Variants in RFX7 observed in about 807,000 individuals in gnomAD.
RFX7 encodes the protein regulatory factor X7, also known as DNA-binding protein RFX7.
A neutral mutation model predicts 111.8 loss-of-function variants in RFX7; 26 were observed. That is an observed-to-expected ratio of 0.23 (90% CI 0.17 to 0.32). The LOEUF (loss-of-function observed/expected upper bound fraction) is 0.32. RFX7 is among the 10% of genes least tolerant of loss of function. The pLI is 1.00. For missense variants in RFX7, 1,573 were observed against 1,772.9 expected (o/e 0.89, Z 2.02); for synonymous variants, 624 against 624.4 (o/e 1.00, Z 0.01).
intron 2 of RFX7, among the ~76,000 whole-genome samples, chr15:56,197,849 G>A (rs868075494): frequency 1.3e-5 from 2 of 152,086 alleles, no homozygotes; most frequent in African/African-American, 4.8e-5. Context: ...GAATGCTAGA[G>A]GTAAATATAC....
At position 56,096,221 on chromosome 15, in the gene RFX7, CTGT is replaced by C; in HGVS notation, c.1504_1506del (p.Thr502del). 1 of 1,613,964 alleles carries C rather than the reference CTGT, an allele frequency of 6.2e-7. No homozygotes were observed. Among genetic ancestry groups the C allele is most frequent in the Non-Finnish European group, 8.5e-7 (1 of 1,179,856 alleles). On this transcript the variant is annotated inframe_deletion, in exon 10 of 10. Coordinates refer to ENST00000559447, the MANE Select transcript of RFX7 (RefSeq NM_022841.7). ...ATCTGTGGAACACTCCTTGATTCTT[CTGT>C]TGTTCCTGTAGCACTGCTGACTGAG...
intron 2 of RFX7, among the ~76,000 whole-genome samples, chr15:56,235,126 T>C (rs977141331): frequency 6.6e-6 from 1 of 151,346 alleles, no homozygotes; most frequent in African/African-American, 2.4e-5. Flanking sequence ...GGGTTATGGA[T>C]AGTGCAAATT....
chr15:56,212,073 T>C (rs1210379420), intron 2 of RFX7, among the ~76,000 whole-genome samples: 1 of 152,176 alleles, frequency 6.6e-6, no homozygotes, highest in Non-Finnish European at 1.5e-5. Context: ...TTTAGTAGAT[T>C]TATTTGCAAC....
chr15:56,213,150 G>A (rs1385854063), intron 2 of RFX7, among the ~76,000 whole-genome samples: 2 of 152,122 alleles, frequency 1.3e-5, no homozygotes, highest in African/African-American at 4.8e-5. Flanking sequence ...ATATGACCAA[G>A]CAATTGTACT....
At chr15:56,186,436 A>T (rs1328670114) in intron 2 of RFX7, among the ~76,000 whole-genome samples, 3 of 152,072 alleles carry the variant, frequency 2.0e-5, no homozygotes, top group Admixed American at 6.6e-5. Context: ...TGTTACTAGC[A>T]CCTATGAATT....
intron 2 of RFX7, among the ~76,000 whole-genome samples, chr15:56,239,726 A>G (rs1396428841): frequency 6.6e-6 from 1 of 152,150 alleles, no homozygotes; most frequent in Non-Finnish European, 1.5e-5. Context: ...ACCTGTATCT[A>G]TGTTACAGCC....
chr15:56,163,043 AT>A (rs1386422783), intron 3 of RFX7, among the ~76,000 whole-genome samples: 1 of 152,094 alleles, frequency 6.6e-6, no homozygotes, highest in African/African-American at 2.4e-5. Context: ...TTATTTATTT[AT>A]TTGATATATT....
In RFX7 at chr15:56,144,460, G is replaced by T. The variant is rs751281143; in HGVS notation, c.219C>A (p.Asp73Glu). Residue 73 changes from aspartate (D) to glutamate (E), a missense_variant, in exon 4 of 10, where the codon GAC becomes GAA. By Grantham distance (45) the Asp-to-Glu change is conservative (BLOSUM62 2). Around this residue, in one of 7 missense-constraint regions of RFX7, gnomAD observed 191 missense variants for 194.2 expected, o/e 0.98. Coordinates refer to ENST00000559447, the MANE Select transcript of RFX7 (RefSeq NM_022841.7). Reference sequence around the variant, plus strand: ...GAAGGTAGAGGTAGAGTTTCTCTAGGTCTGTAAACTTCTCAACTTCTTGCT... The same window carrying T: ...GAAGGTAGAGGTAGAGTTTCTCTAGTTCTGTAAACTTCTCAACTTCTTGCT... Reference protein sequence around the residue: ...CILQEVEKFTDLEKLYLYLQL... With the variant: ...CILQEVEKFTELEKLYLYLQL... 1.1e-5 allele frequency: 15 copies of T among 1,364,548 alleles called. No homozygotes were observed. In the South Asian group the frequency reaches 1.7e-4, roughly 16 times the overall value. The allele number at this position is 1,364,548 out of a possible 1,614,324, so 84.5% of individuals were successfully genotyped here. A position where few individuals can be genotyped will look rare whatever the true frequency, so the allele number is the denominator to read the frequency against.
chr15:56,101,243 G>A (rs796748344), intron 8 of RFX7, 116 bp downstream of exon 8: 3 of 803,300 alleles, frequency 3.7e-6, no homozygotes, highest in Non-Finnish European at 6.1e-6. Flanking sequence ...GAGTAAGAGT[G>A]AACACATGCA....
rs570759561 is a variant in RFX7, at chr15:56,090,845, A to G, written c.*2500T>C. On this transcript the variant is annotated 3_prime_UTR_variant, in exon 10 of 10. Transcript: ENST00000559447. ...AGTTCAAAAGTCAGTGCTTATTGCA[A>G]TTATATGCAAAATTATTTACTTCAT... is the stretch of plus-strand genomic sequence containing the variant. 1 of 152,760 alleles carries G rather than the reference A, an allele frequency of 6.5e-6. No individual in the cohort carries two copies. Among genetic ancestry groups the G allele is most frequent in the South Asian group, 2.1e-4 (1 of 4,822 alleles). 9.5% of individuals were successfully genotyped at this position (152,760 alleles called of 1,614,324 possible). A position where few individuals can be genotyped will look rare whatever the true frequency, so the allele number is the denominator to read the frequency against.
At chr15:56,171,215 C>T (rs1199611523) in intron 3 of RFX7, among the ~76,000 whole-genome samples, 2 of 152,038 alleles carry the variant, frequency 1.3e-5, no homozygotes, top group African/African-American at 4.8e-5. Flanking sequence ...CAAGACTGAC[C>T]TCTAGGTTTT....
intron 6 of RFX7, 96 bp from the exon 7 acceptor site, chr15:56,102,349 A>G: frequency 1.5e-6 from 1 of 655,470 alleles, no homozygotes; most frequent in Non-Finnish European, 2.5e-6. Flanking sequence ...AGAAAAAAAA[A>G]TCAACATGAC....
At chr15:56,131,778 TGGAAGGAAA>T (rs1408141096) in intron 5 of RFX7, among the ~76,000 whole-genome samples, 1 of 152,122 alleles carries the variant, frequency 6.6e-6, no homozygotes, top group Admixed American at 6.6e-5. Context: ...TATGTAAAAT[TGGAAGGAAA>T]GTCTATTAAA....
chr15:56,112,958 T>C (rs1221187745), intron 5 of RFX7, among the ~76,000 whole-genome samples: 1 of 152,124 alleles, frequency 6.6e-6, no homozygotes, highest in Admixed American at 6.5e-5. Flanking sequence ...AGAGATACCA[T>C]CTCATGCCGG....
At chr15:56,198,291 A>T (rs576644405) in intron 2 of RFX7, among the ~76,000 whole-genome samples, 1 of 152,194 alleles carries the variant, frequency 6.6e-6, no homozygotes, top group East Asian at 1.9e-4. Flanking sequence ...AAAAAAGAAA[A>T]AAAAGAATGG....
intron 3 of RFX7, among the ~76,000 whole-genome samples, chr15:56,168,179 G>C (rs1356285495): frequency 1.3e-5 from 2 of 152,132 alleles, no homozygotes; most frequent in Non-Finnish European, 2.9e-5. Context: ...TCTGCAAAAT[G>C]ACAATGATGA....
At chr15:56,181,031 T>TG (rs1308151480) in intron 2 of RFX7, among the ~76,000 whole-genome samples, 1 of 152,236 alleles carries the variant, frequency 6.6e-6, no homozygotes, top group East Asian at 1.9e-4. Context: ...CCACACCCTG[T>TG]GGGCTACTCC....
At chr15:56,162,642 GA>G (rs140537968) in intron 3 of RFX7, among the ~76,000 whole-genome samples, 16 of 145,282 alleles carry the variant, frequency 1.1e-4, no homozygotes, top group East Asian at 2.0e-4. Flanking sequence ...TAACAGGAGA[GA>G]AAAAAAAAAC....
At chr15:56,181,624 G>C (rs1195761171) in intron 2 of RFX7, among the ~76,000 whole-genome samples, 1 of 151,978 alleles carries the variant, frequency 6.6e-6, no homozygotes, top group African/African-American at 2.4e-5. Context: ...GGAAAGACTG[G>C]GACCACTTAA....
Sources: gnomAD v4.1 joint callset for allele counts (sites outside exome capture counted in the v4.1 genomes callset) on GRCh38, gnomAD v4.1.1 for gene constraint, gnomAD v4.1.1 regional missense constraint, MANE v1.5 for transcripts, NCBI Gene and HGNC (gene_info 2026-07-23, HGNC 2026-07-21) for gene names.